ZNF30: variants seen among roughly 807,000 people sequenced by gnomAD.
ZNF30 encodes the protein zinc finger protein 30.
Under a neutral mutation model 13.2 loss-of-function variants are expected in ZNF30, and 15 were observed. That is an observed-to-expected ratio of 1.13 (90% confidence interval 0.76 to 1.75). The LOEUF is 1.75. Among genes scored for constraint, ZNF30 ranks in the 40% most tolerant of loss-of-function variants. The pLI, the probability that ZNF30 is intolerant of heterozygous loss-of-function variation, is 0.00. For synonymous variants in ZNF30, 223 were observed against 256.6 expected (o/e 0.87, Z 1.25); for missense variants, 726 against 757.0 (o/e 0.96, Z 0.48).
At position 34,931,898 on chromosome 19, in the gene ZNF30, C is replaced by T. The variant is rs771565094; in HGVS notation, c.65C>T (p.Ala22Val). 1 of 1,613,420 alleles carries T rather than the reference C, an allele frequency of 6.2e-7. No individual in the cohort carries two copies. The highest frequency in any genetic ancestry group is 1.1e-5 in the South Asian group (1 of 90,876). ...GTGACATTTGAGGATGTGGCCATAG[C>T]CTTCTCCCAGCAGGAGTGGGAGAGT... ...GSVTFEDVAIAFSQQEWESLD... is the reference protein window; with the variant it reads ...GSVTFEDVAIVFSQQEWESLD... The change falls in exon 3 of 5, where the codon GCC (alanine) becomes GTC (valine). Residue 22 changes from alanine to valine, a missense_variant. By Grantham distance (64) the Ala-to-Val change is moderately conservative. Transcript: ENST00000601142.
intron 4 of ZNF30, among the ~76,000 whole-genome samples, chr19:34,936,379 G>A (rs2012741257): frequency 6.6e-6 from 1 of 152,144 alleles, no homozygotes; most frequent in South Asian, 2.1e-4. Context: ...GAGGCAAAGA[G>A]GGAAATCAAG....
chr19:34,935,555 C>T (rs1427849035), intron 4 of ZNF30, among the ~76,000 whole-genome samples: 2 of 152,152 alleles, frequency 1.3e-5, no homozygotes, highest in African/African-American at 4.8e-5. Flanking sequence ...GTCTGTCAGA[C>T]ACCCCACATT....
Position 34,944,390 on chromosome 19 carries a change from G to A in ZNF30, c.1424G>A (p.Arg475Gln), listed in dbSNP as rs950892464. 23 of 1,613,388 alleles carry A rather than the reference G, an allele frequency of 1.4e-5. No homozygotes were observed. Among genetic ancestry groups the A allele is most frequent in the East Asian group, 2.2e-5 (1 of 44,826 alleles). The change falls in exon 5 of 5, where the codon CGG (arginine) becomes CAG (glutamine). Residue 475 changes from arginine (R) to glutamine (Q), a missense_variant. Physicochemically the swap from Arg to Gln is conservative, Grantham distance 43. Coordinates refer to ENST00000601142, the MANE Select transcript of ZNF30 (RefSeq NM_194325.3). ...GTGCACGTACATCTCACACAGCATC[G>A]GAAAATTCATACTGATGTAAAGCCC... ...FRVHVHLTQH[R>Q]KIHTDVKPYE...
intron 4 of ZNF30, among the ~76,000 whole-genome samples, chr19:34,938,038 C>T (rs1412701795): frequency 6.6e-6 from 1 of 152,058 alleles, no homozygotes; most frequent in Admixed American, 6.5e-5. Context: ...TCAGGTGATC[C>T]ACCCACCTCG....
rs892163027 is a variant in ZNF30 at position 34,933,508 on chromosome 19, G to A, written c.161-120G>A. On this transcript the variant is annotated intron_variant, in intron 3 of 4. Coordinates refer to ENST00000601142, the MANE Select transcript of ZNF30 (RefSeq NM_194325.3). Reference sequence around the variant, plus strand: ...AATTATGAATCCCCTTGCCCTTCTCGTGTCTGAGATATAAAGGTCAATATC... The same window carrying A: ...AATTATGAATCCCCTTGCCCTTCTCATGTCTGAGATATAAAGGTCAATATC... 9.7e-5 allele frequency: 61 copies of A among 630,654 alleles called. No homozygotes were observed. The Admixed American group carries it at 1.5e-3, about 15-fold the overall frequency. 39.1% of individuals were successfully genotyped at this position (630,654 alleles called of 1,614,324 possible).
At position 34,943,689 on chromosome 19, in the gene ZNF30, T is replaced by C. The variant is rs767249695; in HGVS notation, c.723T>C (p.Phe241=). 79 of 1,613,308 alleles carry C rather than the reference T, an allele frequency of 4.9e-5. 1 individual carries two copies. The South Asian group carries it at 8.3e-4, about 17-fold the overall frequency. ...PYECGECGKA[F]LVYGKLTRHQ... Reference sequence around the variant, plus strand: ...AGTGCGGGGAATGTGGGAAAGCTTTTCTAGTATATGGAAAGCTTACCCGGC... The same window carrying C: ...AGTGCGGGGAATGTGGGAAAGCTTTCCTAGTATATGGAAAGCTTACCCGGC... Residue 241 remains phenylalanine, a synonymous_variant, in exon 5 of 5, where the codon TTT becomes TTC. Transcript: ENST00000601142.
In ZNF30 at chr19:34,931,979, A is replaced by G; in HGVS notation, c.146A>G (p.Asn49Ser). 6.3e-7 allele frequency: 1 copy of G among 1,598,752 alleles called. No homozygotes were observed. Among genetic ancestry groups the G allele is most frequent in the Non-Finnish European group, 8.5e-7 (1 of 1,174,854 alleles). Reference protein sequence around the residue: ...YRDVMLENYRNLVSMGHSRSK... With the variant: ...YRDVMLENYRSLVSMGHSRSK... ...GATGTGATGTTGGAGAACTACAGGA[A>G]CTTGGTGTCAATGGGTAAGTGTACT... Residue 49 changes from asparagine to serine, a missense_variant, in exon 3 of 5, where the codon AAC (asparagine) becomes AGC (serine). Transcript: ENST00000601142.
At chr19:34,941,344 A>G (rs907470626) in intron 4 of ZNF30, among the ~76,000 whole-genome samples, 3 of 152,228 alleles carry the variant, frequency 2.0e-5, no homozygotes, top group Admixed American at 2.0e-4. Context: ...GGCTTACTGC[A>G]GCCTCTGCCT....
intron 4 of ZNF30, among the ~76,000 whole-genome samples, chr19:34,940,006 A>T (rs2012952508): frequency 6.6e-6 from 1 of 152,256 alleles, no homozygotes; most frequent in Non-Finnish European, 1.5e-5. Flanking sequence ...TATTTTGAAA[A>T]TAAGTAAGTT....
chr19:34,933,423 G>T (rs1292212799), intron 3 of ZNF30, among the ~76,000 whole-genome samples: 1 of 152,238 alleles, frequency 6.6e-6, no homozygotes, highest in African/African-American at 2.4e-5. Flanking sequence ...CTGCACTGCA[G>T]CCTGGCGACA....
Position 34,943,777 on chromosome 19 carries a change from A to G in ZNF30, c.811A>G (p.Thr271Ala). Reference protein sequence around the residue: ...GCEECGKAFSTFSYLVQHQRI... With the variant: ...GCEECGKAFSAFSYLVQHQRI... ...TGAGGAGTGTGGGAAGGCCTTCAGT[A>G]CCTTTTCATACCTGGTTCAACATCA... Residue 271 changes from threonine to alanine, a missense_variant, in exon 5 of 5, where the codon ACC becomes GCC. Thr to Ala is a moderately conservative substitution (Grantham distance 58). Transcript: ENST00000601142. The G allele has an allele frequency of 6.2e-7, 1 of 1,613,592 alleles. No homozygotes were observed. Among genetic ancestry groups the G allele is most frequent in the South Asian group, 1.1e-5 (1 of 91,072 alleles).
upstream of ZNF30, chr19:34,926,897 G>C (rs887197566): frequency 4.5e-5 from 18 of 398,074 alleles, no homozygotes; most frequent in Non-Finnish European, 7.5e-5. Flanking sequence ...GGCGCCGGTG[G>C]GCGGCCTTGT....
In ZNF30 at chr19:34,933,649, A is replaced by G; in HGVS notation, c.182A>G (p.His61Arg). 6.2e-7 allele frequency: 1 copy of G among 1,600,708 alleles called. No homozygotes were observed. The highest frequency in any genetic ancestry group is 8.5e-7 in the Non-Finnish European group (1 of 1,173,264). The change falls in exon 4 of 5, where the codon CAT becomes CGT. Residue 61 changes from histidine (H) to arginine (R), a missense_variant. Coordinates refer to ENST00000601142, the MANE Select transcript of ZNF30 (RefSeq NM_194325.3). ...VSMGHSRSKPHVIALLEQWKE... is the reference protein window; with the variant it reads ...VSMGHSRSKPRVIALLEQWKE... ...GCAGGACATTCCCGTTCTAAACCACATGTGATCGCCTTATTGGAACAATGG... is the reference window on the plus strand; with the variant it reads ...GCAGGACATTCCCGTTCTAAACCACGTGTGATCGCCTTATTGGAACAATGG...
chr19:34,924,865 C>T (rs2012008483), upstream of ZNF30, among the ~76,000 whole-genome samples: 1 of 152,150 alleles, frequency 6.6e-6, no homozygotes, highest in Non-Finnish European at 1.5e-5. Flanking sequence ...ACCAAAAAAG[C>T]CTGGAGTTAC....
At chr19:34,941,885 T>A (rs1214539750) in intron 4 of ZNF30, among the ~76,000 whole-genome samples, 2 of 152,170 alleles carry the variant, frequency 1.3e-5, no homozygotes, top group African/African-American at 4.8e-5. Context: ...GTGTATCTTA[T>A]CAGCAGATAT....
chr19:34,928,961 C>T (rs2545997), intron 1 of ZNF30, among the ~76,000 whole-genome samples: 3 of 152,026 alleles, frequency 2.0e-5, no homozygotes, highest in African/African-American at 4.8e-5. Context: ...GTATCTCCCC[C>T]CTGTGGATAA....
chr19:34,933,634 C>G lies in ZNF30; in HGVS notation c.167C>G (p.Ser56Cys). 1 of 1,595,814 alleles carries G rather than the reference C, an allele frequency of 6.3e-7. No individual in the cohort carries two copies. The highest frequency in any genetic ancestry group is 1.1e-5 in the South Asian group (1 of 87,690). ...ATTCTTATCTCATAAGCAGGACATTCCCGTTCTAAACCACATGTGATCGCC... is the reference window on the plus strand; with the variant it reads ...ATTCTTATCTCATAAGCAGGACATTGCCGTTCTAAACCACATGTGATCGCC... The part of the protein sequence containing the change: ...NYRNLVSMGH[S>C]RSKPHVIALL... Residue 56 changes from serine (S) to cysteine (C), a missense_variant, in exon 4 of 5, where the codon TCC becomes TGC. By Grantham distance (112) the Ser-to-Cys change is moderately radical (BLOSUM62 -1). Coordinates refer to ENST00000601142, the MANE Select transcript of ZNF30 (RefSeq NM_194325.3).
intron 3 of ZNF30, among the ~76,000 whole-genome samples, chr19:34,932,704 T>C (rs1324418927): frequency 2.6e-5 from 4 of 151,958 alleles, no homozygotes; most frequent in African/African-American, 4.8e-5. Flanking sequence ...ACACAGCCCA[T>C]AGGTGACGGT....
In ZNF30 at chr19:34,945,022, C is replaced by T; in HGVS notation, c.*184C>T. 1.7e-6 allele frequency: 1 copy of T among 604,582 alleles called. No individual in the cohort carries two copies. Among genetic ancestry groups the T allele is most frequent in the Non-Finnish European group, 2.7e-6 (1 of 375,068 alleles). The allele number at this position is 604,582 out of a possible 1,614,324, so 37.5% of individuals were successfully genotyped here. A position where few individuals can be genotyped will look rare whatever the true frequency, so the allele number is the denominator to read the frequency against. On this transcript the variant is annotated 3_prime_UTR_variant, in exon 5 of 5. Coordinates refer to ENST00000601142, the MANE Select transcript of ZNF30 (RefSeq NM_194325.3). ...TTTGTCATTTATAGGTTTGTAATAC[C>T]AATATTTATACTGGTGGACCATTCA...
Sources: gnomAD v4.1 joint callset for allele counts (sites outside exome capture counted in the v4.1 genomes callset) on GRCh38, gnomAD v4.1.1 for gene constraint, MANE v1.5 for transcripts, NCBI Gene and HGNC (gene_info 2026-07-23, HGNC 2026-07-21) for gene names.